ANKS1B: variants seen among roughly 807,000 people sequenced by gnomAD.
ANKS1B encodes ankyrin repeat and sterile alpha motif domain-containing protein 1B.
A neutral mutation model predicts 148.3 loss-of-function variants in ANKS1B; 36 were observed. The observed-to-expected ratio is 0.24, with a 90% confidence interval of 0.19 to 0.32. ANKS1B has a LOEUF of 0.32. ANKS1B is among the 10% of genes least tolerant of loss of function. The pLI, the probability that ANKS1B is intolerant of heterozygous loss-of-function variation, is 1.00. For synonymous variants in ANKS1B, 542 were observed against 560.8 expected (o/e 0.97, Z 0.47); for missense variants, 1,157 against 1,542.6 (o/e 0.75, Z 4.19).
At chr12:99,247,340 G>GA (rs768189677) in intron 12 of ANKS1B, among the ~76,000 whole-genome samples, 3 of 151,364 alleles carry the variant, frequency 2.0e-5, no homozygotes, top group African/African-American at 7.3e-5. Flanking sequence ...ACCAAATTTT[G>GA]AAAAAAGGTA....
At chr12:98,844,900 C>T (rs1324384571) in intron 17 of ANKS1B, among the ~76,000 whole-genome samples, 1 of 152,154 alleles carries the variant, frequency 6.6e-6, no homozygotes, top group Non-Finnish European at 1.5e-5. Flanking sequence ...TAAAATTCAA[C>T]ATTCTCTCAA....
chr12:99,303,596 A>G (rs1373324468), intron 12 of ANKS1B, among the ~76,000 whole-genome samples: 1 of 152,168 alleles, frequency 6.6e-6, no homozygotes, highest in African/African-American at 2.4e-5. Flanking sequence ...AAAATAAGGC[A>G]AAGTAGAAGA....
At chr12:99,641,120 T>G (rs1472481555) in intron 9 of ANKS1B, among the ~76,000 whole-genome samples, 1 of 152,224 alleles carries the variant, frequency 6.6e-6, no homozygotes, top group Non-Finnish European at 1.5e-5. Context: ...TGTTTTATAC[T>G]ATACATACTG....
chr12:99,929,383 G>T (rs1348543653), intron 1 of ANKS1B, among the ~76,000 whole-genome samples: 1 of 152,154 alleles, frequency 6.6e-6, no homozygotes, highest in Non-Finnish European at 1.5e-5. Context: ...GTTCATTGTA[G>T]ATTCTGGATA....
intron 1 of ANKS1B, among the ~76,000 whole-genome samples, chr12:99,862,857 A>C (rs1259101019): frequency 1.8e-4 from 27 of 152,194 alleles, no homozygotes; most frequent in Admixed American, 1.8e-3. Flanking sequence ...AACAATGTAA[A>C]GGAGGGGAAG....
At chr12:99,345,617 G>A (rs932153423) in intron 12 of ANKS1B, among the ~76,000 whole-genome samples, 1 of 151,916 alleles carries the variant, frequency 6.6e-6, no homozygotes, top group Admixed American at 6.6e-5. Flanking sequence ...CCTTTAAAAA[G>A]GTTAAATCAC....
intron 15 of ANKS1B, among the ~76,000 whole-genome samples, chr12:99,087,998 G>A (rs2052541892): frequency 1.3e-5 from 2 of 152,172 alleles, no homozygotes; most frequent in South Asian, 4.1e-4. Flanking sequence ...AAGGTGTTGA[G>A]TACATAAGAA....
chr12:99,856,234 A>G (rs2089028189), intron 1 of ANKS1B, among the ~76,000 whole-genome samples: 1 of 152,172 alleles, frequency 6.6e-6, no homozygotes, highest in Non-Finnish European at 1.5e-5. Context: ...GGGAGATATT[A>G]CAACTGATAC....
chr12:99,586,540 A>C (rs2097642471), intron 9 of ANKS1B, among the ~76,000 whole-genome samples: 1 of 152,148 alleles, frequency 6.6e-6, no homozygotes, highest in African/African-American at 2.4e-5. Flanking sequence ...TGAGCCCTCC[A>C]AACTGTTCCA....
intron 12 of ANKS1B, among the ~76,000 whole-genome samples, chr12:99,345,270 T>C (rs1411072741): frequency 6.6e-6 from 1 of 152,054 alleles, no homozygotes; most frequent in Non-Finnish European, 1.5e-5. Context: ...ATCTGAGAAA[T>C]AACTCCTTTC....
At chr12:99,643,739 G>GT (rs2153424215) in intron 9 of ANKS1B, among the ~76,000 whole-genome samples, 1 of 152,260 alleles carries the variant, frequency 6.6e-6, no homozygotes, top group African/African-American at 2.4e-5. Context: ...GGTCTCCCAG[G>GT]TATGTCACAA....
chr12:99,654,870 T>C (rs1436663075), intron 9 of ANKS1B, among the ~76,000 whole-genome samples, 197 bp downstream of exon 9: 2 of 152,226 alleles, frequency 1.3e-5, no homozygotes, highest in Non-Finnish European at 2.9e-5. Context: ...TTACATAAAT[T>C]ATGTCTTCGC....
chr12:99,299,658 G>T (rs1485444903), intron 12 of ANKS1B, among the ~76,000 whole-genome samples: 1 of 152,088 alleles, frequency 6.6e-6, no homozygotes, highest in Non-Finnish European at 1.5e-5. Context: ...ACAGTAAACA[G>T]TTACCCTATT....
intron 9 of ANKS1B, among the ~76,000 whole-genome samples, chr12:98,737,341 T>C (rs1004564930): frequency 6.6e-6 from 1 of 152,224 alleles, no homozygotes; most frequent in Non-Finnish European, 1.5e-5. Flanking sequence ...TCTCACCGAT[T>C]TTCTTTTCCC....
intron 8 of ANKS1B, among the ~76,000 whole-genome samples, chr12:99,673,954 GTCTT>G (rs1358992673): frequency 3.3e-5 from 5 of 151,678 alleles, no homozygotes; most frequent in Admixed American, 6.6e-5. Context: ...AAAATCAACA[GTCTT>G]TCTATTTATA....
At chr12:99,597,629 T>C (rs1500672) in intron 9 of ANKS1B, among the ~76,000 whole-genome samples, 150,941 of 152,188 alleles carry the variant, frequency 0.99, 74,859 homozygotes, top group East Asian at 1. Flanking sequence ...GTGATTTTAA[T>C]GACAATAGAC....
chr12:98,827,070 T>C (rs1226543027), intron 19 of ANKS1B, among the ~76,000 whole-genome samples: 1 of 152,186 alleles, frequency 6.6e-6, no homozygotes, highest in Non-Finnish European at 1.5e-5. Flanking sequence ...GTATTTCATA[T>C]TTTGACAGGT....
intron 1 of ANKS1B, among the ~76,000 whole-genome samples, chr12:99,925,698 T>C (rs774507114): frequency 2.0e-5 from 3 of 151,914 alleles, no homozygotes; most frequent in Non-Finnish European, 2.9e-5. Context: ...GATCAGCCCA[T>C]TGAAAAAAAG....
At position 99,504,607 on chromosome 12, in the gene ANKS1B, T is replaced by C. The variant is rs776970297; in HGVS notation, c.1307A>G (p.Glu436Gly). 1 of 1,606,842 alleles carries C rather than the reference T, an allele frequency of 6.2e-7. No individual in the cohort carries two copies. ...ATCCAGAGAAGCAGATGGTACAATT[T>C]CCATAGTGTAATTTCTCTTCTTTGG... ...SYPKKRNYTMEIVPSASLDTF... is the reference protein window; with the variant it reads ...SYPKKRNYTMGIVPSASLDTF... The change falls in exon 10 of 27, where the codon GAA (glutamate) becomes GGA (glycine). Residue 436 changes from glutamate to glycine, a missense_variant. Glu to Gly is a moderately conservative substitution (Grantham distance 98). Around this residue, in one of 6 missense-constraint regions of ANKS1B, gnomAD observed 661 missense variants for 642.1 expected, o/e 1.03. Transcript: ENST00000683438.
Sources: gnomAD v4.1 joint callset for allele counts (sites outside exome capture counted in the v4.1 genomes callset) on GRCh38, gnomAD v4.1.1 for gene constraint, gnomAD v4.1.1 regional missense constraint, MANE v1.5 for transcripts, NCBI Gene and HGNC (gene_info 2026-07-23, HGNC 2026-07-21) for gene names.